Variants in SH3RF2 observed in about 807,000 individuals in gnomAD.
The protein encoded by SH3RF2 is SH3 domain containing ring finger 2.
Under a neutral mutation model 59.0 loss-of-function variants are expected in SH3RF2, and 43 were observed. The observed-to-expected ratio is 0.73, with a 90% CI of 0.57 to 0.94. The LOEUF is 0.94. SH3RF2 is among the 40% of genes least tolerant of loss of function. The pLI, the probability that SH3RF2 is intolerant of heterozygous loss-of-function variation, is 0.00. For missense variants in SH3RF2, 930 were observed against 940.1 expected, an observed-to-expected ratio of 0.99 and a Z score of 0.14; for synonymous variants, 391 against 391.5, an observed-to-expected ratio of 1.00 and a Z score of 0.01.
At chr5:145,972,173 C>T (rs1759109710) in intron 2 of SH3RF2, among the ~76,000 whole-genome samples, 1 of 151,794 alleles carries the variant, frequency 6.6e-6, no homozygotes, top group African/African-American at 2.4e-5. Context: ...TAATCTTAGG[C>T]ATGTTATTTA....
chr5:145,994,517 G>A (rs1760076148), intron 2 of SH3RF2, among the ~76,000 whole-genome samples: 1 of 152,190 alleles, frequency 6.6e-6, no homozygotes, highest in Non-Finnish European at 1.5e-5. Context: ...TCAGAATCAT[G>A]GCAGGAGGTG....
At chr5:146,034,415 A>G (rs569955728) in intron 5 of SH3RF2, among the ~76,000 whole-genome samples, 7 of 152,250 alleles carry the variant, frequency 4.6e-5, no homozygotes, top group African/African-American at 1.7e-4. Flanking sequence ...AACTGTTTAA[A>G]TCTCATTTGA....
Position 145,995,469 on chromosome 5 carries a change from G to A in SH3RF2, c.379-4589G>A, listed in dbSNP as rs150315640. 4.1e-3 allele frequency among the ~76,000 whole-genome samples: 630 copies of A among 152,202 alleles called. 3 individuals carry two copies. The highest frequency in any genetic ancestry group is 5.2e-3 in the Non-Finnish European group (356 of 68,014). ...AAACCCATTCTCATCCAGCTTTTAC[G>A]TGCTTATTTCTCAGGTAGGGAACAC... On this transcript the variant is annotated intron_variant, in intron 2 of 9. Transcript: ENST00000359120.
At chr5:146,028,871 C>T (rs928373085) in intron 5 of SH3RF2, among the ~76,000 whole-genome samples, 2 of 152,188 alleles carry the variant, frequency 1.3e-5, no homozygotes, top group Non-Finnish European at 2.9e-5. Context: ...GGGAGACTTG[C>T]CTGTGCCCTG....
At chr5:146,035,730 G>A (rs1402427648) in intron 5 of SH3RF2, among the ~76,000 whole-genome samples, 1 of 152,136 alleles carries the variant, frequency 6.6e-6, no homozygotes, top group African/African-American at 2.4e-5. Flanking sequence ...TTATAAGGAC[G>A]TAGGTCCTTC....
chr5:145,963,886 G>A (rs1758740768), intron 2 of SH3RF2, among the ~76,000 whole-genome samples: 1 of 148,738 alleles, frequency 6.7e-6, no homozygotes, highest in South Asian at 2.1e-4. Flanking sequence ...AGGCTGGAGT[G>A]CAGTGCCGCA....
chr5:145,991,930 G>A (rs1759949613), intron 2 of SH3RF2, among the ~76,000 whole-genome samples: 1 of 152,156 alleles, frequency 6.6e-6, no homozygotes, highest in Non-Finnish European at 1.5e-5. Flanking sequence ...ACCTACAGTA[G>A]CATCAAACTT....
intron 2 of SH3RF2, chr5:145,997,633 T>C: frequency 1.3e-6 from 2 of 1,582,706 alleles, no homozygotes; most frequent in African/African-American, 1.3e-5. Flanking sequence ...CCTCTGGGAC[T>C]GGCCACTTTA....
At chr5:145,979,068 C>T (rs1759410441) in intron 2 of SH3RF2, among the ~76,000 whole-genome samples, 1 of 152,174 alleles carries the variant, frequency 6.6e-6, no homozygotes, top group Non-Finnish European at 1.5e-5. Context: ...TGGAAAAGAA[C>T]TGATTAAAGT....
intron 2 of SH3RF2, among the ~76,000 whole-genome samples, chr5:145,988,288 A>G (rs956160778): frequency 1.3e-4 from 19 of 151,318 alleles, no homozygotes; most frequent in African/African-American, 4.1e-4. Context: ...AGCCCCCACC[A>G]TAAGTCACAT....
At chr5:146,009,896 T>A (rs1760804842) in intron 4 of SH3RF2, among the ~76,000 whole-genome samples, 1 of 152,254 alleles carries the variant, frequency 6.6e-6, no homozygotes, top group African/African-American at 2.4e-5. Flanking sequence ...GTTTTTATTA[T>A]ACTTTAAGTT....
chr5:146,010,306 C>A (rs1760827154), intron 4 of SH3RF2, among the ~76,000 whole-genome samples: 1 of 152,170 alleles, frequency 6.6e-6, no homozygotes, highest in Non-Finnish European at 1.5e-5. Flanking sequence ...GGTTCCAAGT[C>A]TTTGCTATTG....
chr5:146,002,104 C>T (rs1760439854), intron 3 of SH3RF2, among the ~76,000 whole-genome samples: 1 of 152,178 alleles, frequency 6.6e-6, no homozygotes, highest in South Asian at 2.1e-4. Context: ...ACAAAACAGA[C>T]ATAGGCCCTG....
intron 2 of SH3RF2, among the ~76,000 whole-genome samples, chr5:145,996,699 C>G (rs1000643289): frequency 1.3e-5 from 2 of 152,122 alleles, no homozygotes; most frequent in African/African-American, 4.8e-5. Context: ...TATTCAGACC[C>G]AGAAAGAGTC....
chr5:146,008,198 A>G (rs1760725055), intron 4 of SH3RF2, among the ~76,000 whole-genome samples: 1 of 152,234 alleles, frequency 6.6e-6, no homozygotes. Context: ...GTGAGCCTCA[A>G]CAATATTGTT....
intron 4 of SH3RF2, among the ~76,000 whole-genome samples, chr5:146,011,217 C>G (rs1363004945): frequency 1.3e-5 from 2 of 152,122 alleles, no homozygotes; most frequent in Non-Finnish European, 2.9e-5. Context: ...TCTGAGGCCT[C>G]TGTTCTGTTC....
chr5:146,037,314 A>G (rs1237563786), intron 5 of SH3RF2, among the ~76,000 whole-genome samples: 1 of 152,024 alleles, frequency 6.6e-6, no homozygotes, highest in Non-Finnish European at 1.5e-5. Context: ...CAAAGCTCAA[A>G]CCCACATCAG....
At chr5:146,021,505 C>A (rs1010375326) in intron 5 of SH3RF2, among the ~76,000 whole-genome samples, 11 of 152,226 alleles carry the variant, frequency 7.2e-5, no homozygotes, top group African/African-American at 2.7e-4. Flanking sequence ...TCCAATTGCT[C>A]TGTCCCATAT....
intron 6 of SH3RF2, among the ~76,000 whole-genome samples, chr5:146,048,403 T>C (rs769215631): frequency 3.3e-5 from 5 of 152,174 alleles, no homozygotes; most frequent in East Asian, 1.9e-4. Flanking sequence ...GAAGATTATA[T>C]ACCACAACAT....
Sources: allele counts gnomAD v4.1 joint callset (sites outside exome capture counted in the v4.1 genomes callset), GRCh38; gene constraint gnomAD v4.1.1; transcripts MANE v1.5; gene names NCBI Gene and HGNC (gene_info 2026-07-23, HGNC 2026-07-21).